GLIS3: variants seen among roughly 807,000 people sequenced by gnomAD.
The protein encoded by GLIS3 is zinc finger protein GLIS3.
A neutral mutation model predicts 78.6 loss-of-function variants in GLIS3; 53 were observed. The observed-to-expected ratio is 0.67, with a 90% CI of 0.54 to 0.85. The LOEUF (loss-of-function observed/expected upper bound fraction) is 0.85, where lower values mean the gene tolerates loss of function less well. GLIS3 is among the 40% of genes least tolerant of loss of function. The pLI is 0.00. For missense variants in GLIS3, 1,703 were observed against 1,231.1 expected, an observed-to-expected ratio of 1.38 and a Z score of -5.74; for synonymous variants, 684 against 509.9, an observed-to-expected ratio of 1.34 and a Z score of -4.60.
chr9:4,151,780 G>C (rs1212938925), intron 2 of GLIS3, among the ~76,000 whole-genome samples: 1 of 152,102 alleles, frequency 6.6e-6, no homozygotes, highest in Non-Finnish European at 1.5e-5. Flanking sequence ...GACCATGCCT[G>C]GTAATGAAGC....
At chr9:4,323,916 C>T (rs913472979) in intron 2 of GLIS3, among the ~76,000 whole-genome samples, 2 of 152,222 alleles carry the variant, frequency 1.3e-5, no homozygotes, top group African/African-American at 4.8e-5. Flanking sequence ...GTAACTGAAA[C>T]CACTTTCTCT....
chr9:4,036,256 C>T (rs1314943681), intron 4 of GLIS3, among the ~76,000 whole-genome samples: 1 of 152,152 alleles, frequency 6.6e-6, no homozygotes, highest in Non-Finnish European at 1.5e-5. Context: ...TGGCTAAGAA[C>T]ACAGAAATCA....
chr9:3,924,671 AGAC>A (rs1189675690), intron 6 of GLIS3, among the ~76,000 whole-genome samples: 1 of 152,226 alleles, frequency 6.6e-6, no homozygotes, highest in East Asian at 1.9e-4. Context: ...TGAAAAGGAA[AGAC>A]AAGAGAGAAC....
intron 2 of GLIS3, among the ~76,000 whole-genome samples, chr9:4,204,089 A>G (rs1819637110): frequency 6.6e-6 from 1 of 152,212 alleles, no homozygotes; most frequent in Admixed American, 6.5e-5. Context: ...TCTGAATCTA[A>G]TATAAAAGTT....
At chr9:4,478,962 T>A in the GLIS3 span, among the ~76,000 whole-genome samples, 9 of 152,314 alleles carry the variant, frequency 5.9e-5, no homozygotes, top group East Asian at 1.5e-3. Context: ...ATATTGGGGA[T>A]AGAGAAAAAA....
At chr9:4,019,231 C>G (rs1389515415) in intron 4 of GLIS3, among the ~76,000 whole-genome samples, 2 of 152,160 alleles carry the variant, frequency 1.3e-5, no homozygotes, top group African/African-American at 4.8e-5. Context: ...AAACGGTGCT[C>G]TCATCTTTGT....
chr9:4,048,921 C>G (rs1274298267), intron 4 of GLIS3, among the ~76,000 whole-genome samples: 1 of 152,220 alleles, frequency 6.6e-6, no homozygotes, highest in Non-Finnish European at 1.5e-5. Flanking sequence ...CTACTGCATG[C>G]TTTCACTTTG....
chr9:4,340,423 G>A (rs1439522120), intron 2 of GLIS3, among the ~76,000 whole-genome samples: 3 of 152,176 alleles, frequency 2.0e-5, no homozygotes, highest in Admixed American at 6.5e-5. Context: ...TCAATTCCAG[G>A]ATGAAACATT....
At chr9:3,923,889 C>T (rs914068490) in intron 6 of GLIS3, among the ~76,000 whole-genome samples, 1 of 152,134 alleles carries the variant, frequency 6.6e-6, no homozygotes, top group African/African-American at 2.4e-5. Context: ...TGTAATCCCA[C>T]CACTTTGGGA....
chr9:3,919,561 A>C (rs1824734310), intron 6 of GLIS3, among the ~76,000 whole-genome samples: 1 of 151,992 alleles, frequency 6.6e-6, no homozygotes, highest in Admixed American at 6.6e-5. Flanking sequence ...CAACAAAATA[A>C]TCTGTACAAC....
chr9:3,980,076 G>C (rs1398053893), intron 4 of GLIS3, among the ~76,000 whole-genome samples: 1 of 152,146 alleles, frequency 6.6e-6, no homozygotes, highest in Non-Finnish European at 1.5e-5. Context: ...TTGGTGTCTG[G>C]AGTTGGGAGA....
the GLIS3 span, among the ~76,000 whole-genome samples, chr9:4,468,578 C>A: frequency 2.0e-5 from 3 of 152,166 alleles, no homozygotes; most frequent in African/African-American, 7.2e-5. Flanking sequence ...TACAGAAAAG[C>A]AAATGCTGAG....
At chr9:4,027,850 G>A (rs1025439621) in intron 4 of GLIS3, among the ~76,000 whole-genome samples, 6 of 152,260 alleles carry the variant, frequency 3.9e-5, no homozygotes, top group East Asian at 3.9e-4. Context: ...GGAGAGGTAC[G>A]CTCCAGCTAA....
At chr9:3,894,570 A>G (rs185202639) in intron 7 of GLIS3, among the ~76,000 whole-genome samples, 33 of 152,332 alleles carry the variant, frequency 2.2e-4, no homozygotes, top group Non-Finnish European at 4.7e-4. Context: ...GCTATTTCTT[A>G]CAAAAAGTAA....
intron 1 of GLIS3, among the ~76,000 whole-genome samples, chr9:4,296,365 A>G (rs1411357413): frequency 3.3e-5 from 5 of 151,878 alleles, no homozygotes; most frequent in Admixed American, 6.6e-5. Flanking sequence ...TTTCTCCTGC[A>G]TAAATGAAGG....
intron 4 of GLIS3, among the ~76,000 whole-genome samples, chr9:3,982,204 T>C (rs1462155504): frequency 2.0e-5 from 3 of 151,700 alleles, no homozygotes; most frequent in Non-Finnish European, 4.4e-5. Context: ...GAGGTACCTT[T>C]ACCTCTCTGT....
chr9:4,044,080 G>A (rs1825051914), intron 4 of GLIS3, among the ~76,000 whole-genome samples: 1 of 152,188 alleles, frequency 6.6e-6, no homozygotes, highest in African/African-American at 2.4e-5. Flanking sequence ...AGAGAAAACT[G>A]GCAGACACCT....
intron 2 of GLIS3, among the ~76,000 whole-genome samples, chr9:4,345,783 A>G (rs768116117): frequency 9.9e-5 from 15 of 152,228 alleles, no homozygotes; most frequent in Non-Finnish European, 2.9e-5. Context: ...GATAAAGCAA[A>G]AAGAGCTGAA....
intron 2 of GLIS3, among the ~76,000 whole-genome samples, chr9:4,327,025 G>C (rs529582922): frequency 1.4e-4 from 21 of 152,224 alleles, no homozygotes; most frequent in Non-Finnish European, 2.6e-4. Context: ...AGAGTCAGGT[G>C]GGGTAGACAG....
Sources: gnomAD v4.1 joint callset for allele counts (sites outside exome capture counted in the v4.1 genomes callset) on GRCh38, gnomAD v4.1.1 for gene constraint, MANE v1.5 for transcripts, NCBI Gene and HGNC (gene_info 2026-07-23, HGNC 2026-07-21) for gene names.